The following ATP11C variants were observed in gnomAD, a reference collection of about 807,000 sequenced individuals.
ATP11C encodes ATPase phospholipid transporting 11C (ATP11C blood group), also known as phospholipid-transporting ATPase IG.
A neutral mutation model predicts 97.4 loss-of-function variants in ATP11C; 36 were observed. That is an observed-to-expected ratio of 0.37 (90% CI 0.28 to 0.49). ATP11C has a LOEUF of 0.49. Among genes scored for constraint, ATP11C ranks in the 20% least tolerant of loss-of-function variants. The pLI is 0.98. For synonymous variants in ATP11C, 275 were observed against 290.9 expected (o/e 0.95, Z 0.56); for missense variants, 730 against 824.6 (o/e 0.89, Z 1.40).
chrX:139,872,228 G>A (rs1456472423), intron 1 of ATP11C, among the ~76,000 whole-genome samples: 1 of 85,120 alleles, frequency 1.2e-5, no homozygotes, highest in Non-Finnish European at 2.1e-5. Flanking sequence ...ACAGAACAAA[G>A]TTTATAAAAG....
chrX:139,768,203 T>C, intron 20 of ATP11C, 57 bp downstream of exon 20: 1 of 858,140 alleles, frequency 1.2e-6, no homozygotes, highest in South Asian at 5.4e-5. Context: ...AATAAACATT[T>C]GCACATATAT....
At chrX:139,813,574 T>C (rs1322149614) in intron 5 of ATP11C, among the ~76,000 whole-genome samples, 2 of 111,872 alleles carry the variant, frequency 1.8e-5, no homozygotes, top group East Asian at 5.6e-4. Context: ...AAATGAAATA[T>C]TATTCATCAC....
At chrX:139,759,399 C>CAAGAAT (rs759731004) in intron 22 of ATP11C, among the ~76,000 whole-genome samples, 11 of 112,084 alleles carry the variant, frequency 9.8e-5, no homozygotes, top group African/African-American at 3.6e-4. Flanking sequence ...GGAACCAAGG[C>CAAGAAT]AAGAATGTAT....
At chrX:139,812,988 A>T (rs754720015) in intron 5 of ATP11C, among the ~76,000 whole-genome samples, 1 of 111,702 alleles carries the variant, frequency 9.0e-6, no homozygotes, top group Non-Finnish European at 1.9e-5. Flanking sequence ...AACACTGGTG[A>T]CCCTCCCACT....
Position 139,826,834 on chromosome X carries a change from G to A in ATP11C, c.28-11C>T. ...CTCTTCTCCAGCACACTGACCAAGA[G>A]AAAAGGGAAAAAATTCAGTTTTTCA... On this transcript the variant is annotated splice_polypyrimidine_tract_variant and intron_variant, in intron 1 of 29. Transcript: ENST00000682941. 8.4e-7 allele frequency: 1 copy of A among 1,192,967 alleles called. No homozygotes were observed. The highest frequency in any genetic ancestry group is 1.1e-6 in the Non-Finnish European group (1 of 885,488).
rs780969333 is a variant in ATP11C, at chrX:139,774,840, C to T, written c.2066G>A (p.Arg689His). The part of the protein sequence containing the change: ...ETAKSTCYAC[R>H]LFQTNTELLE... ...GAGCTCAGTGTTGGTCTGGAAAAGG[C>T]GGCAGGCATAGCATGTGGATTTAGC... The change falls in exon 19 of 30, where the codon CGC becomes CAC. Residue 689 changes from arginine (R) to histidine (H), a missense_variant. By Grantham distance (29) the Arg-to-His change is conservative. Coordinates refer to ENST00000682941, the MANE Select transcript of ATP11C (RefSeq NM_001353812.2). 9.1e-6 allele frequency: 11 copies of T among 1,209,955 alleles called. No individual in the cohort carries two copies. The South Asian group carries it at 1.4e-4, about 15-fold the overall frequency.
At position 139,787,231 on chromosome X, in the gene ATP11C, A is replaced by G; in HGVS notation, c.1534T>C (p.Phe512Leu). 1 of 1,183,566 alleles carries G rather than the reference A, an allele frequency of 8.4e-7. No homozygotes were observed. The highest frequency in any genetic ancestry group is 1.1e-6 in the Non-Finnish European group (1 of 870,964). ...VKGAKRYGFTFLGNRNGYMRV... is the reference protein window; with the variant it reads ...VKGAKRYGFTLLGNRNGYMRV... ...ATATATCCATTTCGATTTCCTAAAAATGTGAACCCGTACCTATCAAAAACA... is the reference window on the plus strand; with the variant it reads ...ATATATCCATTTCGATTTCCTAAAAGTGTGAACCCGTACCTATCAAAAACA... The change falls in exon 15 of 30, where the codon TTT (phenylalanine) becomes CTT (leucine). Residue 512 changes from phenylalanine to leucine, a missense_variant. Phe to Leu is a conservative substitution (Grantham distance 22). Transcript: ENST00000682941.
At chrX:139,743,180 C>T (rs188918135) in intron 26 of ATP11C, among the ~76,000 whole-genome samples, 1 of 110,011 alleles carries the variant, frequency 9.1e-6, no homozygotes, top group Non-Finnish European at 1.9e-5. Flanking sequence ...CATAATCACA[C>T]ACACACACAC....
intron 5 of ATP11C, among the ~76,000 whole-genome samples, chrX:139,810,284 C>G (rs1221223491): frequency 9.0e-6 from 1 of 111,101 alleles, no homozygotes; most frequent in African/African-American, 3.3e-5. Flanking sequence ...GGTAAAACCT[C>G]ATCCCTACTA....
In ATP11C at chrX:139,764,595, ATACTGTCCTCACAATT is replaced by A. The variant is rs768420546; in HGVS notation, c.2392-1193_2392-1178del. 5.3e-5 allele frequency among the ~76,000 whole-genome samples: 6 copies of A among 113,119 alleles called. No homozygotes were observed. In the South Asian group the frequency reaches 2.2e-3, roughly 41 times the overall value. ...AGTAGCTAAATAATGCTTTGCAAAA[ATACTGTCCTCACAATT>A]GTTCTGACCAGTTAACATAAATAAA... On this transcript the variant is annotated intron_variant, in intron 20 of 29. Coordinates refer to ENST00000682941, the MANE Select transcript of ATP11C (RefSeq NM_001353812.2).
rs1191055533 is a variant in ATP11C at position 139,918,350 on chromosome X, G to A, written c.27+13666C>T. ...AAATCAGGCCAGGCATGTGGCTCAC[G>A]CCTGTAATCCCAGCACTTTGGGAGG... On this transcript the variant is annotated intron_variant, in intron 1 of 29. Coordinates refer to ENST00000682941, the MANE Select transcript of ATP11C (RefSeq NM_001353812.2). 1.6e-4 allele frequency among the ~76,000 whole-genome samples: 18 copies of A among 111,790 alleles called. No individual in the cohort carries two copies. In the South Asian group the frequency reaches 2.6e-3, roughly 16 times the overall value.
chrX:139,931,166 G>A (rs2085426520), intron 1 of ATP11C, among the ~76,000 whole-genome samples: 1 of 112,125 alleles, frequency 8.9e-6, no homozygotes, highest in Non-Finnish European at 1.9e-5. Context: ...TACCCTCTAG[G>A]AGTAAACAGG....
At chrX:139,743,690 T>A in intron 25 of ATP11C, 66 bp from the exon 26 acceptor site, 16 of 719,813 alleles carry the variant, frequency 2.2e-5, no homozygotes, top group Non-Finnish European at 2.7e-5. Context: ...TTTTTTCATT[T>A]AAAAAAAAAG....
At chrX:139,755,643 A>G (rs2081919254) in intron 23 of ATP11C, among the ~76,000 whole-genome samples, 1 of 111,482 alleles carries the variant, frequency 9.0e-6, no homozygotes, top group South Asian at 3.8e-4. Context: ...GACCAATGGA[A>G]CAGAATAGAG....
At chrX:139,888,894 C>T (rs1479828776) in intron 1 of ATP11C, among the ~76,000 whole-genome samples, 2 of 110,200 alleles carry the variant, frequency 1.8e-5, no homozygotes, top group Non-Finnish European at 3.8e-5. Flanking sequence ...CTGCAACCTC[C>T]GCCTCTCGGG....
chrX:139,839,109 A>C (rs189352278), intron 1 of ATP11C, among the ~76,000 whole-genome samples: 6 of 112,514 alleles, frequency 5.3e-5, no homozygotes, highest in Admixed American at 3.7e-4. Context: ...ATGCCAAGTG[A>C]AAGAAGCCAG....
chrX:139,826,388 G>A (rs956198841), intron 2 of ATP11C, among the ~76,000 whole-genome samples: 7 of 110,245 alleles, frequency 6.3e-5, no homozygotes, highest in Non-Finnish European at 1.1e-4. Context: ...CCATTCAAGG[G>A]TAATTCAGGA....
chrX:139,785,316 C>T lies in ATP11C; in HGVS notation c.1593-17G>A. The T allele has an allele frequency of 8.7e-7, 1 of 1,148,136 alleles. No individual in the cohort carries two copies. The highest frequency in any genetic ancestry group is 1.2e-6 in the Non-Finnish European group (1 of 845,422). 94.6% of individuals were successfully genotyped at this position (1,148,136 alleles called of 1,213,427 possible). On this transcript the variant is annotated splice_polypyrimidine_tract_variant and intron_variant, in intron 15 of 29. Coordinates refer to ENST00000682941, the MANE Select transcript of ATP11C (RefSeq NM_001353812.2). ...AGTTCATATCTTTAAGAGAAATGAG[C>T]AAAGTAAAAAACCTAGAATATACTG... is the stretch of plus-strand genomic sequence containing the variant.
chrX:139,929,131 GTTA>G (rs1457217929), intron 1 of ATP11C, among the ~76,000 whole-genome samples: 1 of 111,961 alleles, frequency 8.9e-6, no homozygotes, highest in African/African-American at 3.2e-5. Flanking sequence ...TACAGACAGA[GTTA>G]TTATTACTTA....
Sources: gnomAD v4.1 joint callset for allele counts (sites outside exome capture counted in the v4.1 genomes callset) on GRCh38, gnomAD v4.1.1 for gene constraint, MANE v1.5 for transcripts, NCBI Gene and HGNC (gene_info 2026-07-23, HGNC 2026-07-21) for gene names.